The following DNAH12 variants were observed in gnomAD, a reference collection of about 807,000 sequenced individuals.
DNAH12 encodes dynein axonemal heavy chain 12, also known as axonemal beta dynein heavy chain 12.
DNAH12 carries 285 observed loss-of-function variants against 371.5 expected under a neutral mutation model. That is an observed-to-expected ratio of 0.77 (90% CI 0.70 to 0.85). The LOEUF is 0.85. Among genes scored for constraint, DNAH12 ranks in the 40% least tolerant of loss-of-function variants. The pLI is 0.00. For missense variants in DNAH12, 3,611 were observed against 3,689.4 expected, an observed-to-expected ratio of 0.98 and a Z score of 0.55; for synonymous variants, 1,200 against 1,213.0, an observed-to-expected ratio of 0.99 and a Z score of 0.22.
intron 2 of DNAH12, among the ~76,000 whole-genome samples, chr3:57,525,154 C>CA (rs5849213): frequency 0.45 from 48,945 of 109,440 alleles, 10,299 homozygotes; most frequent in South Asian, 0.6. Flanking sequence ...AGAGGAGAAA[C>CA]AAAAAAAAAA....
At chr3:57,325,234 G>A (rs574608025) in intron 62 of DNAH12, among the ~76,000 whole-genome samples, 23 of 152,330 alleles carry the variant, frequency 1.5e-4, no homozygotes, top group Middle Eastern at 3.4e-3. Context: ...CCCCCAGCAC[G>A]CAGCTGGAGA....
At chr3:57,551,285 T>G in the DNAH12 span, among the ~76,000 whole-genome samples, 1 of 151,760 alleles carries the variant, frequency 6.6e-6, no homozygotes. Flanking sequence ...ATTTATTTAT[T>G]TTTTGAGATG....
intron 4 of DNAH12, among the ~76,000 whole-genome samples, chr3:57,522,192 C>T (rs1437871903): frequency 1.3e-5 from 2 of 151,892 alleles, no homozygotes; most frequent in African/African-American, 4.8e-5. Context: ...CCACTGCACT[C>T]TAGCCTGGGC....
chr3:57,403,228 G>C, intron 43 of DNAH12, 81 bp downstream of exon 43: 1 of 1,352,938 alleles, frequency 7.4e-7, no homozygotes, highest in Non-Finnish European at 9.9e-7. Flanking sequence ...TCAGTACACA[G>C]CTACACAGGC....
chr3:57,321,765 C>T (rs2061810274), intron 65 of DNAH12, among the ~76,000 whole-genome samples: 1 of 152,082 alleles, frequency 6.6e-6, no homozygotes, highest in Non-Finnish European at 1.5e-5. Context: ...ATTTGGTTAC[C>T]ATACATTTAT....
chr3:57,509,861 T>TAAAAAAAAA lies in DNAH12; in HGVS notation c.470-658_470-650dup, dbSNP rs902155403. ...TGGGCGACAGAGTGAGACTCCATCA[T>TAAAAAAAAA]AAAAAAAAAAAAAAAAAAAAAAAAA... On this transcript the variant is annotated intron_variant, in intron 5 of 73. Transcript: ENST00000495027. Among the ~76,000 whole-genome samples, 19 of 46,560 alleles carry TAAAAAAAAA rather than the reference T, an allele frequency of 4.1e-4. 1 individual carries two copies. Among genetic ancestry groups the TAAAAAAAAA allele is most frequent in the African/African-American group, 9.7e-4 (16 of 16,416 alleles). 30.5% of individuals were successfully genotyped at this position (46,560 alleles called of 152,430 possible).
At chr3:57,437,093 C>T (rs1031117246) in intron 29 of DNAH12, 33 bp from the exon 30 acceptor site, 5 of 1,359,742 alleles carry the variant, frequency 3.7e-6, no homozygotes, top group Non-Finnish European at 5.0e-6. Context: ...ATTTCTACAA[C>T]ACAATATTAT....
rs1559631718 is a variant in DNAH12, at chr3:57,413,925, GGAA to G, written c.5854-16_5854-14del. 1.9e-6 allele frequency: 3 copies of G among 1,546,464 alleles called. No individual in the cohort carries two copies. Among genetic ancestry groups the G allele is most frequent in the Non-Finnish European group, 2.6e-6 (3 of 1,144,944 alleles). On this transcript the variant is annotated splice_polypyrimidine_tract_variant and intron_variant, in intron 38 of 73. Coordinates refer to ENST00000495027, the MANE Select transcript of DNAH12 (RefSeq NM_001366028.2). ...CCATGATAATGTTCTAAAATATGAA[GGAA>G]GAATGGTATATTTACCTATAATTGA...
At chr3:57,463,558 T>A (rs1243264468) in intron 17 of DNAH12, among the ~76,000 whole-genome samples, 1 of 152,090 alleles carries the variant, frequency 6.6e-6, no homozygotes, top group Non-Finnish European at 1.5e-5. Context: ...TTTAATATTG[T>A]AAATTTTTTT....
At chr3:57,425,207 T>C in intron 34 of DNAH12, 66 bp from the exon 35 acceptor site, 2 of 665,234 alleles carry the variant, frequency 3.0e-6, no homozygotes, top group East Asian at 2.7e-5. Context: ...AAAAACACTT[T>C]ATTTTTAAAA....
At chr3:57,480,981 C>T (rs964521268) in intron 13 of DNAH12, among the ~76,000 whole-genome samples, 2 of 152,114 alleles carry the variant, frequency 1.3e-5, no homozygotes, top group African/African-American at 4.8e-5. Context: ...TGGGCAAAAA[C>T]TGGAAGCATT....
chr3:57,306,913 T>C (rs943222514), intron 69 of DNAH12, among the ~76,000 whole-genome samples: 4 of 152,246 alleles, frequency 2.6e-5, no homozygotes, highest in Non-Finnish European at 4.4e-5. Flanking sequence ...ACACAACCCA[T>C]TATTCTGTTC....
chr3:57,345,980 C>T (rs1553657921), intron 60 of DNAH12, among the ~76,000 whole-genome samples: 1 of 152,038 alleles, frequency 6.6e-6, no homozygotes, highest in Non-Finnish European at 1.5e-5. Context: ...AAGTGGACTG[C>T]TGCAGTTGAA....
At chr3:57,544,827 T>C (rs905144442), upstream of DNAH12, among the ~76,000 whole-genome samples, 2 of 152,116 alleles carry the variant, frequency 1.3e-5, no homozygotes, top group Non-Finnish European at 2.9e-5. Context: ...GATGTGAAAT[T>C]TTGCTGTTTG....
Position 57,421,677 on chromosome 3 carries a change from C to T in DNAH12, c.5403G>A (p.Ser1801=), listed in dbSNP as rs751807349. The change falls in exon 36 of 74, where the codon TCG becomes TCA. Residue 1801 remains serine, a synonymous_variant. Transcript: ENST00000495027. The part of the protein sequence containing the change: ...MACFIFSLIW[S]IGGSCDTDGR... ...CATCTGTATCACAACTTCCTCCAAT[C>T]GACCAAATCAAAGAGAATATAAAGC... is the stretch of plus-strand genomic sequence containing the variant. 1.7e-5 allele frequency: 27 copies of T among 1,551,376 alleles called. No individual in the cohort carries two copies. Among genetic ancestry groups the T allele is most frequent in the African/African-American group, 2.7e-5 (2 of 72,988 alleles).
chr3:57,447,338 CA>C (rs1346112048), intron 25 of DNAH12, among the ~76,000 whole-genome samples: 1 of 152,102 alleles, frequency 6.6e-6, no homozygotes, highest in Non-Finnish European at 1.5e-5. Context: ...CCTGGGTCCC[CA>C]CAATGACTGG....
Position 57,537,810 on chromosome 3 carries a change from G to A in DNAH12, c.170+4891C>T, listed in dbSNP as rs187408901. On this transcript the variant is annotated intron_variant, in intron 2 of 73. Transcript: ENST00000495027. ...AGTGATTCTCCTGCCTCAGCCTCCC[G>A]AGTAGCTAGGACTACAGGCATGCAC... 2.2e-3 allele frequency among the ~76,000 whole-genome samples: 337 copies of A among 151,300 alleles called. 1 individual carries two copies. The highest frequency in any genetic ancestry group is 3.6e-3 in the Non-Finnish European group (247 of 67,912).
chr3:57,462,442 G>A (rs1442342656), intron 18 of DNAH12, among the ~76,000 whole-genome samples: 1 of 151,884 alleles, frequency 6.6e-6, no homozygotes, highest in Admixed American at 6.6e-5. Flanking sequence ...AGTAGGGATG[G>A]GGTCTCACCA....
chr3:57,442,754 T>A (rs563120580), intron 29 of DNAH12, among the ~76,000 whole-genome samples: 1 of 152,374 alleles, frequency 6.6e-6, no homozygotes, highest in South Asian at 2.1e-4. Context: ...TATTAGCATA[T>A]TCTGAATCAT....
Sources: gnomAD v4.1 joint callset for allele counts (sites outside exome capture counted in the v4.1 genomes callset) on GRCh38, gnomAD v4.1.1 for gene constraint, MANE v1.5 for transcripts, NCBI Gene and HGNC (gene_info 2026-07-23, HGNC 2026-07-21) for gene names.